The following KCTD13 variants were observed in gnomAD, a reference collection of about 807,000 sequenced individuals.
The protein encoded by KCTD13 is BTB/POZ domain-containing adapter for CUL3-mediated RhoA degradation protein 1.
A neutral mutation model predicts 32.3 loss-of-function variants in KCTD13; 15 were observed. The ratio of observed to expected loss-of-function variants is 0.46; its 90% confidence interval spans 0.31 to 0.71. KCTD13 has a LOEUF of 0.71. Ranked by LOEUF, KCTD13 falls within the 30% of genes least tolerant of loss-of-function variation. The pLI, the probability that KCTD13 is intolerant of heterozygous loss-of-function variation, is 0.05. For synonymous variants in KCTD13, 189 were observed against 200.1 expected (o/e 0.94, Z 0.47); for missense variants, 337 against 452.6 (o/e 0.74, Z 2.32).
chr16:29,912,565 T>G (rs1404842570), intron 2 of KCTD13, among the ~76,000 whole-genome samples: 1 of 152,170 alleles, frequency 6.6e-6, no homozygotes, highest in African/African-American at 2.4e-5. Context: ...CTCAGCCTCC[T>G]GAGTAGCTGG....
Position 29,911,083 on chromosome 16 carries a change from G to A in KCTD13, c.648C>T (p.Val216=), listed in dbSNP as rs1567440796. The change falls in exon 5 of 6, where the codon GTC becomes GTT. Residue 216 remains valine, a synonymous_variant. Coordinates refer to ENST00000568000, the MANE Select transcript of KCTD13 (RefSeq NM_178863.5). ...FHGRLLFLKD[V]LGDEICCWSF... Reference sequence around the variant, plus strand: ...ACCAGCAGCAGATCTCGTCCCCCAGGACATCCTTGAGGAAGAGTAGCCGCC... The same window carrying A: ...ACCAGCAGCAGATCTCGTCCCCCAGAACATCCTTGAGGAAGAGTAGCCGCC... The A allele has an allele frequency of 1.9e-6, 3 of 1,614,204 alleles. No individual in the cohort carries two copies. The highest frequency in any genetic ancestry group is 2.2e-5 in the East Asian group (1 of 44,892).
intron 2 of KCTD13, chr16:29,922,922 C>T (rs2068936870): frequency 4.3e-6 from 2 of 467,818 alleles, no homozygotes. Context: ...TACTCAGGTG[C>T]GAGTGTAACA....
chr16:29,912,688 C>T (rs2068737679), intron 2 of KCTD13, among the ~76,000 whole-genome samples: 1 of 152,248 alleles, frequency 6.6e-6, no homozygotes, highest in South Asian at 2.1e-4. Context: ...GATCAGCCCG[C>T]CTCAGCCTCC....
At chr16:29,916,661 C>T (rs1379979297) in intron 2 of KCTD13, among the ~76,000 whole-genome samples, 5 of 152,030 alleles carry the variant, frequency 3.3e-5, no homozygotes, top group Non-Finnish European at 5.9e-5. Flanking sequence ...GTCAGGAGTT[C>T]GAGACCAGCC....
rs2068942429 is a variant in KCTD13 at position 29,923,235 on chromosome 16, G to A, written c.369C>T (p.Tyr123=). The part of the protein sequence containing the change: ...ELGELLGEAR[Y]YLVQGLIEDC... The stretch of plus-strand genomic sequence containing the variant: ...CCTCAATCAGGCCCTGCACCAGGTA[G>A]TAGCGTGCTTCGCCCAGCAGCTCCC... Residue 123 remains tyrosine, a synonymous_variant, in exon 2 of 6, where the codon TAC becomes TAT. Coordinates refer to ENST00000568000, the MANE Select transcript of KCTD13 (RefSeq NM_178863.5). The A allele has an allele frequency of 6.2e-7, 1 of 1,614,154 alleles. No individual in the cohort carries two copies. Among genetic ancestry groups the A allele is most frequent in the Non-Finnish European group, 8.5e-7 (1 of 1,180,002 alleles).
intron 5 of KCTD13, among the ~76,000 whole-genome samples, chr16:29,909,334 A>T (rs183552310): frequency 6.6e-6 from 1 of 152,338 alleles, no homozygotes; most frequent in Non-Finnish European, 1.5e-5. Context: ...GTACAAGTTC[A>T]TTAGGCAGAT....
intron 1 of KCTD13, among the ~76,000 whole-genome samples, chr16:29,924,174 C>CAAAAAAAAA (rs72170823): frequency 1.4e-5 from 2 of 143,656 alleles, no homozygotes; most frequent in African/African-American, 2.6e-5. Flanking sequence ...AACTCCATCT[C>CAAAAAAAAA]AAAAAAAAAG....
At chr16:29,911,412 G>A in intron 4 of KCTD13, 1 of 564,050 alleles carries the variant, frequency 1.8e-6, no homozygotes, top group Non-Finnish European at 3.1e-6. Flanking sequence ...CGGGAGCCAG[G>A]CCACCTCCCC....
intron 5 of KCTD13, among the ~76,000 whole-genome samples, chr16:29,910,502 A>G (rs2068688694): frequency 6.6e-6 from 1 of 151,972 alleles, no homozygotes; most frequent in Non-Finnish European, 1.5e-5. Flanking sequence ...CCATCATGTC[A>G]CCAAGCCACC....
chr16:29,906,560 C>T lies in KCTD13; in HGVS notation c.*312G>A, dbSNP rs954076203. The stretch of plus-strand genomic sequence containing the variant: ...GAAGGGCCGCACACTTTGGCATGGA[C>T]GATGCACTAAAAAAAGAGAAAGGGA... On this transcript the variant is annotated 3_prime_UTR_variant, in exon 6 of 6. Transcript: ENST00000568000. 5 of 512,292 alleles carry T rather than the reference C, an allele frequency of 9.8e-6. No homozygotes were observed. Among genetic ancestry groups the T allele is most frequent in the Admixed American group, 2.3e-5 (1 of 44,012 alleles). 31.7% of individuals were successfully genotyped at this position (512,292 alleles called of 1,614,324 possible). A position where few individuals can be genotyped will look rare whatever the true frequency, so the allele number is the denominator to read the frequency against.
At chr16:29,910,940 C>G (rs756082849) in intron 5 of KCTD13, 38 bp downstream of exon 5, 1 of 1,581,576 alleles carries the variant, frequency 6.3e-7, no homozygotes, top group Non-Finnish European at 8.6e-7. Context: ...GTCCTGGCCA[C>G]CCCCAGCCCC....
chr16:29,913,466 TTATC>T (rs1198848192), intron 2 of KCTD13: 1 of 152,196 alleles, frequency 6.6e-6, no homozygotes, highest in Non-Finnish European at 1.5e-5. Context: ...TATGAATTCG[TTATC>T]TATCACTGTG....
Position 29,922,930 on chromosome 16 carries a change from A to G in KCTD13, c.414+260T>C, listed in dbSNP as rs567720851. 8.4e-6 allele frequency: 4 copies of G among 474,296 alleles called. No homozygotes were observed. The Admixed American group carries it at 1.1e-4, about 13-fold the overall frequency. 29.4% of individuals were successfully genotyped at this position (474,296 alleles called of 1,614,324 possible). A position where few individuals can be genotyped will look rare whatever the true frequency, so the allele number is the denominator to read the frequency against. On this transcript the variant is annotated intron_variant, in intron 2 of 5. Transcript: ENST00000568000. ...AGATAATTACTCAGGTGCGAGTGTA[A>G]CAGCTGGACTGGCTGCATAGGAACA...
chr16:29,907,468 G>T (rs1470025440), intron 5 of KCTD13, among the ~76,000 whole-genome samples: 2 of 152,160 alleles, frequency 1.3e-5, no homozygotes, highest in East Asian at 3.8e-4. Context: ...ACATTCTAGT[G>T]GGAGGACTCA....
At chr16:29,917,320 G>C (rs2068827048) in intron 2 of KCTD13, among the ~76,000 whole-genome samples, 1 of 152,072 alleles carries the variant, frequency 6.6e-6, no homozygotes, top group South Asian at 2.1e-4. Context: ...GTTCCATTTA[G>C]ATTAAAATAC....
At chr16:29,910,110 A>T (rs1380369173) in intron 5 of KCTD13, among the ~76,000 whole-genome samples, 1 of 151,160 alleles carries the variant, frequency 6.6e-6, no homozygotes, top group Non-Finnish European at 1.5e-5. Context: ...AAAAAAAAAA[A>T]AAAAATAGGC....
intron 2 of KCTD13, chr16:29,914,304 A>G (rs1399039765): frequency 6.6e-6 from 1 of 151,438 alleles, no homozygotes; most frequent in East Asian, 1.9e-4. Context: ...TATACTCACC[A>G]CCTTCCAGGA....
rs775335400 is a variant in KCTD13, at chr16:29,911,880, AGAG to A, written c.505-16_505-14del. Reference sequence around the variant, plus strand: ...GCTTCACCACGGGCTGGCGGGGGAGAGAGGATGGACGAGAGGGGTGAGGCTGCA... The same window carrying A: ...GCTTCACCACGGGCTGGCGGGGGAGAGATGGACGAGAGGGGTGAGGCTGCA... On this transcript the variant is annotated splice_polypyrimidine_tract_variant and intron_variant, in intron 3 of 5. Transcript: ENST00000568000. 7 of 1,611,824 alleles carry A rather than the reference AGAG, an allele frequency of 4.3e-6. No homozygotes were observed. The Admixed American group carries it at 1.0e-4, about 23-fold the overall frequency.
Position 29,926,169 on chromosome 16 carries a change from A to G in KCTD13, c.-136T>C, listed in dbSNP as rs1267937892. On this transcript the variant is annotated 5_prime_UTR_variant, in exon 1 of 6. Transcript: ENST00000568000. Reference sequence around the variant, plus strand: ...CGCCCACTCACCGCAGCTACTCTGCAAGACCGGCCCTCCGCCCCATCTCGC... The same window carrying G: ...CGCCCACTCACCGCAGCTACTCTGCGAGACCGGCCCTCCGCCCCATCTCGC... 3 of 1,037,686 alleles carry G rather than the reference A, an allele frequency of 2.9e-6. No individual in the cohort carries two copies. The highest frequency in any genetic ancestry group is 6.4e-5 in the East Asian group (2 of 31,328). 64.3% of individuals were successfully genotyped at this position (1,037,686 alleles called of 1,614,324 possible). A position where few individuals can be genotyped will look rare whatever the true frequency, so the allele number is the denominator to read the frequency against.
Sources: gnomAD v4.1 joint callset for allele counts (sites outside exome capture counted in the v4.1 genomes callset) on GRCh38, gnomAD v4.1.1 for gene constraint, MANE v1.5 for transcripts, NCBI Gene and HGNC (gene_info 2026-07-23, HGNC 2026-07-21) for gene names.